Variants in MGAT4C observed in about 807,000 individuals in gnomAD.
The protein encoded by MGAT4C is alpha-1,3-mannosyl-glycoprotein 4-beta-N-acetylglucosaminyltransferase C.
MGAT4C carries 19 observed loss-of-function variants against 40.1 expected under a neutral mutation model. The observed-to-expected ratio is 0.47, with a 90% CI of 0.33 to 0.70. MGAT4C has a LOEUF of 0.70. MGAT4C is among the 30% of genes least tolerant of loss of function. The pLI is 0.02. For missense variants in MGAT4C, 491 were observed against 563.2 expected (o/e 0.87, Z 1.30); for synonymous variants, 181 against 187.1 (o/e 0.97, Z 0.27).
chr12:86,800,891 A>G (rs963894712), intron 1 of MGAT4C, among the ~76,000 whole-genome samples: 4 of 151,834 alleles, frequency 2.6e-5, no homozygotes, highest in Admixed American at 6.6e-5. Context: ...AATCCTGCTA[A>G]GTCAGTTTTA....
At chr12:86,511,352 T>C (rs1048702743) in intron 2 of MGAT4C, among the ~76,000 whole-genome samples, 1 of 152,180 alleles carries the variant, frequency 6.6e-6, no homozygotes, top group Non-Finnish European at 1.5e-5. Context: ...CTTTCATCAA[T>C]GTTTCACCGT....
chr12:86,692,948 C>T (rs1221955691), intron 2 of MGAT4C, among the ~76,000 whole-genome samples: 4 of 152,126 alleles, frequency 2.6e-5, no homozygotes, highest in East Asian at 3.9e-4. Flanking sequence ...GCCCAACAAC[C>T]GTTTTGAATG....
chr12:86,573,431 T>C (rs1054927181), intron 2 of MGAT4C, among the ~76,000 whole-genome samples: 2 of 151,934 alleles, frequency 1.3e-5, no homozygotes, highest in Admixed American at 6.6e-5. Flanking sequence ...AGAAATTGAG[T>C]CCATTTTACT....
intron 1 of MGAT4C, among the ~76,000 whole-genome samples, chr12:86,201,923 T>C (rs1343904227): frequency 1.3e-5 from 2 of 152,120 alleles, no homozygotes; most frequent in African/African-American, 2.4e-5. Context: ...GCAAATGGTA[T>C]TGTGCTTCAA....
intron 2 of MGAT4C, among the ~76,000 whole-genome samples, chr12:86,470,322 C>T (rs1443083154): frequency 1.3e-5 from 2 of 152,098 alleles, no homozygotes; most frequent in Non-Finnish European, 2.9e-5. Context: ...TCTCTCTCTT[C>T]CCTTTTTTTA....
intron 2 of MGAT4C, among the ~76,000 whole-genome samples, chr12:86,589,643 A>C (rs900449018): frequency 6.6e-6 from 1 of 152,008 alleles, no homozygotes; most frequent in Non-Finnish European, 1.5e-5. Flanking sequence ...ACATTGACGC[A>C]AAAAATCCTC....
In MGAT4C at chr12:85,979,780, A is replaced by AATT; in HGVS notation, c.945_946insAAT (p.Tyr315_Ser316insAsn). On this transcript the variant is annotated inframe_insertion, in exon 5 of 5. Coordinates refer to ENST00000611864, the MANE Select transcript of MGAT4C (RefSeq NM_001351288.2). Reference sequence around the variant, plus strand: ...TTATTCTCCGTCCCTTTGTATGATGAATAATAGCCCATGTGCTGAAAGAGA... The same window carrying AATT: ...TTATTCTCCGTCCCTTTGTATGATGAATTATAATAGCCCATGTGCTGAAAGAGA... 1 of 1,613,688 alleles carries AATT rather than the reference A, an allele frequency of 6.2e-7. No homozygotes were observed. Among genetic ancestry groups the AATT allele is most frequent in the African/African-American group, 1.3e-5 (1 of 75,022 alleles).
At chr12:86,209,378 A>G (rs191227763) in intron 1 of MGAT4C, among the ~76,000 whole-genome samples, 68 of 152,274 alleles carry the variant, frequency 4.5e-4, no homozygotes, top group African/African-American at 1.4e-3. Flanking sequence ...CTTCAAAGCC[A>G]TAATCTTATC....
chr12:86,780,905 C>A (rs1015389123), intron 1 of MGAT4C, among the ~76,000 whole-genome samples: 1 of 152,042 alleles, frequency 6.6e-6, no homozygotes, highest in African/African-American at 2.4e-5. Flanking sequence ...TGAGAATATG[C>A]GCTATTTGAC....
intron 2 of MGAT4C, among the ~76,000 whole-genome samples, chr12:86,010,301 G>C (rs1272974489): frequency 6.6e-6 from 1 of 152,146 alleles, no homozygotes; most frequent in Non-Finnish European, 1.5e-5. Flanking sequence ...AAACAAAACT[G>C]CAAGAGTTCC....
intron 2 of MGAT4C, among the ~76,000 whole-genome samples, chr12:86,604,400 G>GT (rs138440147): frequency 2.7e-4 from 41 of 149,396 alleles, no homozygotes; most frequent in Middle Eastern, 3.4e-3. Flanking sequence ...AAAGGGCTCA[G>GT]TTTTTTTTTT....
At chr12:86,479,824 GAA>G (rs1436937100) in intron 2 of MGAT4C, among the ~76,000 whole-genome samples, 9 of 151,564 alleles carry the variant, frequency 5.9e-5, no homozygotes, top group African/African-American at 2.2e-4. Flanking sequence ...TGGGAGTAAG[GAA>G]AAATCCTAGA....
intron 2 of MGAT4C, among the ~76,000 whole-genome samples, chr12:86,648,450 A>G (rs1006029775): frequency 1.3e-5 from 2 of 151,876 alleles, no homozygotes; most frequent in Non-Finnish European, 1.5e-5. Flanking sequence ...AGATTAGGTC[A>G]TGAGGGTGGG....
chr12:86,500,735 T>G (rs1197496801), intron 2 of MGAT4C, among the ~76,000 whole-genome samples: 1 of 152,030 alleles, frequency 6.6e-6, no homozygotes, highest in African/African-American at 2.4e-5. Flanking sequence ...ATGATGTTTA[T>G]ATAACTTTGT....
At chr12:86,415,997 A>G (rs1269005247) in intron 3 of MGAT4C, among the ~76,000 whole-genome samples, 1 of 152,080 alleles carries the variant, frequency 6.6e-6, no homozygotes, top group Non-Finnish European at 1.5e-5. Context: ...AGAGAATGTC[A>G]TGAAATGCTA....
intron 2 of MGAT4C, among the ~76,000 whole-genome samples, chr12:86,689,600 A>G (rs1158186765): frequency 6.6e-6 from 1 of 152,168 alleles, no homozygotes; most frequent in Non-Finnish European, 1.5e-5. Flanking sequence ...AGTTTGCTGG[A>G]CATCCATTGC....
chr12:86,517,500 C>T (rs1958713638), intron 2 of MGAT4C, among the ~76,000 whole-genome samples: 2 of 152,152 alleles, frequency 1.3e-5, no homozygotes, highest in African/African-American at 4.8e-5. Context: ...AACAATACCA[C>T]ACATATCCCT....
At chr12:86,421,270 T>A (rs982467127) in intron 3 of MGAT4C, among the ~76,000 whole-genome samples, 1 of 152,216 alleles carries the variant, frequency 6.6e-6, no homozygotes, top group Non-Finnish European at 1.5e-5. Context: ...ATGGTTCGGA[T>A]AATTGTTCTA....
At chr12:86,513,416 T>A (rs1412388692) in intron 2 of MGAT4C, among the ~76,000 whole-genome samples, 1 of 152,160 alleles carries the variant, frequency 6.6e-6, no homozygotes, top group Admixed American at 6.5e-5. Flanking sequence ...ATGGTCTCCA[T>A]TTCAGACTTT....
Sources: gnomAD v4.1 joint callset for allele counts (sites outside exome capture counted in the v4.1 genomes callset) on GRCh38, gnomAD v4.1.1 for gene constraint, MANE v1.5 for transcripts, NCBI Gene and HGNC (gene_info 2026-07-23, HGNC 2026-07-21) for gene names.